The following GRIA1 variants were observed in gnomAD, a reference collection of about 807,000 sequenced individuals.
The protein encoded by GRIA1 is glutamate ionotropic receptor AMPA type subunit 1, also known as glutamate receptor 1.
In GRIA1, 31 loss-of-function variants were observed where a neutral mutation model predicts 99.2. That is an observed-to-expected ratio of 0.31 (90% CI 0.23 to 0.42). GRIA1 has a LOEUF of 0.42. Ranked by LOEUF, GRIA1 falls within the 10% of genes least tolerant of loss-of-function variation. The pLI is 1.00. For missense variants in GRIA1, 782 were observed against 1,157.5 expected (o/e 0.68, Z 4.71); for synonymous variants, 438 against 432.4 (o/e 1.01, Z -0.16).
In GRIA1 at chr5:153,646,249, A is replaced by G. The variant is rs74705659; in HGVS notation, c.221-679A>G. Among the ~76,000 whole-genome samples the G allele has an allele frequency of 1.8e-3, 279 of 151,942 alleles. 3 individuals carry two copies. The East Asian group carries it at 0.046, about 25-fold the overall frequency. ...AAATCAGCTAGCAAGATGTACAAGCACAAAGTGAACATTAGCAGACAAATG... is the reference window on the plus strand; with the variant it reads ...AAATCAGCTAGCAAGATGTACAAGCGCAAAGTGAACATTAGCAGACAAATG... On this transcript the variant is annotated intron_variant, in intron 2 of 15. Coordinates refer to ENST00000285900, the MANE Select transcript of GRIA1 (RefSeq NM_000827.4).
intron 2 of GRIA1, among the ~76,000 whole-genome samples, chr5:153,520,818 T>G (rs1757068709): frequency 6.6e-6 from 1 of 152,204 alleles, no homozygotes; most frequent in South Asian, 2.1e-4. Context: ...AATAACAATA[T>G]AAATAGCTAA....
At chr5:153,670,617 G>A (rs1239588866) in intron 5 of GRIA1, among the ~76,000 whole-genome samples, 1 of 151,754 alleles carries the variant, frequency 6.6e-6, no homozygotes, top group Admixed American at 6.6e-5. Flanking sequence ...ATAATTAATA[G>A]CACAAATAAA....
At chr5:153,727,699 A>G (rs1561806304) in intron 11 of GRIA1, among the ~76,000 whole-genome samples, 1 of 151,512 alleles carries the variant, frequency 6.6e-6, no homozygotes, top group African/African-American at 2.4e-5. Flanking sequence ...GGACCTCTTC[A>G]AGAACTACAA....
At chr5:153,774,572 T>G (rs989204187) in intron 13 of GRIA1, among the ~76,000 whole-genome samples, 2 of 152,182 alleles carry the variant, frequency 1.3e-5, no homozygotes, top group Non-Finnish European at 2.9e-5. Flanking sequence ...CCAGGCTTAC[T>G]GCCTGTAGTT....
chr5:153,528,321 T>C (rs1287203487), intron 2 of GRIA1, among the ~76,000 whole-genome samples: 2 of 152,236 alleles, frequency 1.3e-5, no homozygotes, highest in African/African-American at 4.8e-5. Flanking sequence ...TTTGGGATTA[T>C]GGTGTTTGGG....
intron 11 of GRIA1, among the ~76,000 whole-genome samples, chr5:153,744,340 T>C (rs949233897): frequency 6.6e-6 from 1 of 152,236 alleles, no homozygotes; most frequent in African/African-American, 2.4e-5. Flanking sequence ...ATTTGCTCTA[T>C]AACAAATGCT....
intron 2 of GRIA1, among the ~76,000 whole-genome samples, chr5:153,626,867 A>G (rs1767680107): frequency 6.6e-6 from 1 of 152,174 alleles, no homozygotes; most frequent in Admixed American, 6.5e-5. Context: ...AGGAAATACG[A>G]TGGACAAGGG....
chr5:153,622,481 G>A (rs1047143031), intron 2 of GRIA1, among the ~76,000 whole-genome samples: 4 of 152,166 alleles, frequency 2.6e-5, no homozygotes, highest in African/African-American at 9.7e-5. Context: ...GGTTGAGAAG[G>A]AATACAAATG....
intron 5 of GRIA1, among the ~76,000 whole-genome samples, chr5:153,669,871 C>A (rs1270828552): frequency 6.6e-6 from 1 of 152,122 alleles, no homozygotes; most frequent in Non-Finnish European, 1.5e-5. Context: ...ATATTACACC[C>A]CCAACATCCC....
intron 11 of GRIA1, among the ~76,000 whole-genome samples, chr5:153,747,076 G>GCAT (rs1350821828): frequency 6.6e-6 from 1 of 152,104 alleles, no homozygotes; most frequent in East Asian, 1.9e-4. Context: ...AGTTTGTTTT[G>GCAT]CATCACTATA....
intron 1 of GRIA1, 50 bp downstream of exon 1, chr5:153,491,020 T>C: frequency 1.3e-6 from 2 of 1,538,306 alleles, no homozygotes; most frequent in East Asian, 4.5e-5. Context: ...TGGCCAGGGA[T>C]TTTTTTGGGG....
intron 11 of GRIA1, among the ~76,000 whole-genome samples, chr5:153,759,615 A>T (rs899335364): frequency 5.3e-5 from 8 of 152,058 alleles, no homozygotes; most frequent in Non-Finnish European, 1.2e-4. Context: ...GCCAAATTCT[A>T]CCAAATAGTT....
intron 2 of GRIA1, among the ~76,000 whole-genome samples, chr5:153,627,695 T>A (rs1581361201): frequency 6.6e-6 from 1 of 152,216 alleles, no homozygotes; most frequent in East Asian, 1.9e-4. Context: ...GAGAGCTGCA[T>A]ATGCCCCCAC....
intron 2 of GRIA1, among the ~76,000 whole-genome samples, chr5:153,629,748 G>T (rs78613534): frequency 2.6e-5 from 4 of 152,176 alleles, no homozygotes; most frequent in African/African-American, 9.7e-5. Flanking sequence ...TTAAGGGATT[G>T]CCCTTCCCTC....
intron 11 of GRIA1, among the ~76,000 whole-genome samples, chr5:153,716,328 T>C (rs2149533585): frequency 6.6e-6 from 1 of 152,332 alleles, no homozygotes; most frequent in East Asian, 1.9e-4. Flanking sequence ...CCATGATTTA[T>C]CCTTGACACA....
chr5:153,651,912 T>C (rs961893090), intron 4 of GRIA1, among the ~76,000 whole-genome samples: 2 of 152,228 alleles, frequency 1.3e-5, no homozygotes, highest in East Asian at 3.8e-4. Context: ...CCAGCTCTAG[T>C]ATTTACTGGC....
intron 11 of GRIA1, among the ~76,000 whole-genome samples, chr5:153,725,445 A>G (rs1760446341): frequency 7.3e-6 from 1 of 137,034 alleles, no homozygotes; most frequent in African/African-American, 2.8e-5. Flanking sequence ...TAAAAGACAC[A>G]GAGCGGCAAA....
chr5:153,707,884 A>T (rs576008629), intron 11 of GRIA1, among the ~76,000 whole-genome samples: 2 of 152,130 alleles, frequency 1.3e-5, no homozygotes, highest in African/African-American at 2.4e-5. Context: ...TGGCAAACAC[A>T]TGGTGAAGAG....
intron 5 of GRIA1, among the ~76,000 whole-genome samples, chr5:153,669,813 C>T (rs917910080): frequency 6.6e-6 from 1 of 152,120 alleles, no homozygotes; most frequent in African/African-American, 2.4e-5. Context: ...GCTTTATCAA[C>T]TTTAACTCCA....
Sources: gnomAD v4.1 joint callset for allele counts (sites outside exome capture counted in the v4.1 genomes callset) on GRCh38, gnomAD v4.1.1 for gene constraint, MANE v1.5 for transcripts, NCBI Gene and HGNC (gene_info 2026-07-23, HGNC 2026-07-21) for gene names.